The following FAM193A variants were observed in gnomAD, a reference collection of about 807,000 sequenced individuals.
The protein encoded by FAM193A is family with sequence similarity 193 member A.
FAM193A carries 22 observed loss-of-function variants against 126.5 expected under a neutral mutation model. The observed-to-expected ratio is 0.17, with a 90% CI of 0.12 to 0.25. FAM193A has a LOEUF of 0.25. FAM193A is among the 10% of genes least tolerant of loss of function. The pLI is 1.00. For missense variants in FAM193A, 1,675 were observed against 1,672.8 expected (o/e 1.00, Z -0.02); for synonymous variants, 761 against 646.8 (o/e 1.18, Z -2.68).
intron 13 of FAM193A, among the ~76,000 whole-genome samples, chr4:2,684,019 C>T (rs1442989874): frequency 1.3e-5 from 2 of 152,194 alleles, no homozygotes; most frequent in African/African-American, 2.4e-5. Context: ...CATTTCTTCC[C>T]ATCTCTCTGC....
At chr4:2,631,220 C>A in intron 5 of FAM193A, 51 bp downstream of exon 5, 1 of 1,532,306 alleles carries the variant, frequency 6.5e-7, no homozygotes, top group Non-Finnish European at 8.9e-7. Flanking sequence ...TGAAGAGAAG[C>A]ATGTGGCAAG....
chr4:2,679,375 CTTTTTTT>C (rs796366785), intron 13 of FAM193A, among the ~76,000 whole-genome samples: 14 of 87,896 alleles, frequency 1.6e-4, no homozygotes, highest in East Asian at 1.1e-3. Flanking sequence ...AGTTTTCTTT[CTTTTTTT>C]TTTTTTTTTT....
chr4:2,659,405 C>G (rs1266621977), intron 8 of FAM193A, among the ~76,000 whole-genome samples, 153 bp from the exon 9 acceptor site: 1 of 152,154 alleles, frequency 6.6e-6, no homozygotes, highest in East Asian at 1.9e-4. Flanking sequence ...TTGCTGCCGA[C>G]TCCAGGTCTG....
At chr4:2,640,010 C>A in intron 6 of FAM193A, 151 bp downstream of exon 6, 1 of 687,068 alleles carries the variant, frequency 1.5e-6, no homozygotes. Flanking sequence ...GGGCCAAAAG[C>A]TCAAAACCTG....
rs563062188 is a variant in FAM193A, at chr4:2,563,530, A to G, written c.255+26360A>G. Among the ~76,000 whole-genome samples, 57 of 151,950 alleles carry G rather than the reference A, an allele frequency of 3.8e-4. No individual in the cohort carries two copies. In the South Asian group the frequency reaches 8.7e-3, roughly 23 times the overall value. On this transcript the variant is annotated intron_variant, in intron 1 of 20. Coordinates refer to ENST00000637812, the MANE Select transcript of FAM193A (RefSeq NM_001366318.2). ...GACCAATCTGGTCATCTCTACAAAA[A>G]AAAACAAAAAAAAAAACCTCCCAAA...
At chr4:2,546,951 T>A (rs1402803687) in intron 1 of FAM193A, among the ~76,000 whole-genome samples, 2 of 152,174 alleles carry the variant, frequency 1.3e-5, no homozygotes, top group Non-Finnish European at 2.9e-5. Context: ...ACTATTATTA[T>A]TAATATTTTT....
intron 19 of FAM193A, among the ~76,000 whole-genome samples, chr4:2,707,048 G>A (rs1471208142): frequency 2.6e-5 from 4 of 152,042 alleles, no homozygotes; most frequent in African/African-American, 9.7e-5. Context: ...CTTGAACCCA[G>A]GAGCCAGAGG....
chr4:2,691,172 TC>T (rs929942916), intron 15 of FAM193A, among the ~76,000 whole-genome samples: 14 of 152,266 alleles, frequency 9.2e-5, no homozygotes, highest in Admixed American at 8.5e-4. Context: ...TGTGCTAGAT[TC>T]CTCTGGGGCT....
chr4:2,678,360 G>GTTTTTTT (rs201173761), intron 13 of FAM193A, among the ~76,000 whole-genome samples: 1 of 120,162 alleles, frequency 8.3e-6, no homozygotes, highest in Non-Finnish European at 1.7e-5. Context: ...GGTTTTGGTG[G>GTTTTTTT]TTTTTTTTTT....
chr4:2,579,149 CA>C (rs1022464508), intron 1 of FAM193A, among the ~76,000 whole-genome samples: 6 of 151,872 alleles, frequency 4.0e-5, no homozygotes, highest in Non-Finnish European at 2.9e-5. Flanking sequence ...TATGAATCAC[CA>C]CTACGCCTGG....
chr4:2,579,351 T>A (rs146304018), intron 1 of FAM193A, among the ~76,000 whole-genome samples: 4,335 of 150,904 alleles, frequency 0.029, 219 homozygotes, highest in African/African-American at 0.1. Context: ...CAAAAAAAAT[T>A]AGCCAGGTGT....
At chr4:2,567,775 T>G (rs1739055485) in intron 1 of FAM193A, among the ~76,000 whole-genome samples, 1 of 151,868 alleles carries the variant, frequency 6.6e-6, no homozygotes, top group African/African-American at 2.4e-5. Context: ...TTGTGTAGAC[T>G]CAGGATATGT....
At chr4:2,624,642 G>A (rs1353519553) in intron 2 of FAM193A, among the ~76,000 whole-genome samples, 1 of 152,166 alleles carries the variant, frequency 6.6e-6, no homozygotes, top group African/African-American at 2.4e-5. Context: ...CATTGTGTGT[G>A]CTGATTAGGA....
intron 1 of FAM193A, among the ~76,000 whole-genome samples, chr4:2,556,884 G>A (rs1738291973): frequency 6.6e-6 from 1 of 152,012 alleles, no homozygotes; most frequent in Admixed American, 6.6e-5. Context: ...TGAATGAGAG[G>A]TTGTAGAATC....
chr4:2,544,957 C>G (rs984337875), intron 1 of FAM193A, among the ~76,000 whole-genome samples: 1 of 151,780 alleles, frequency 6.6e-6, no homozygotes. Context: ...CTGATCTCAT[C>G]TGTATCCTTT....
At chr4:2,637,533 C>A (rs1457736367) in intron 5 of FAM193A, among the ~76,000 whole-genome samples, 1 of 152,198 alleles carries the variant, frequency 6.6e-6, no homozygotes, top group Non-Finnish European at 1.5e-5. Context: ...TTCTAAACAT[C>A]TTCTCTTCCT....
At chr4:2,555,021 T>C (rs1376626989) in intron 1 of FAM193A, among the ~76,000 whole-genome samples, 3 of 152,256 alleles carry the variant, frequency 2.0e-5, no homozygotes, top group Admixed American at 6.5e-5. Context: ...TGCTTATTCA[T>C]ATTTTCATTT....
chr4:2,565,650 A>G (rs1297121106), intron 1 of FAM193A, among the ~76,000 whole-genome samples: 1 of 152,226 alleles, frequency 6.6e-6, no homozygotes, highest in African/African-American at 2.4e-5. Flanking sequence ...GCAGGATTGC[A>G]GAAAGAGTAA....
intron 1 of FAM193A, among the ~76,000 whole-genome samples, chr4:2,543,512 C>T (rs1459291610): frequency 6.6e-6 from 1 of 151,494 alleles, no homozygotes; most frequent in Non-Finnish European, 1.5e-5. Context: ...GCCTGGGTGA[C>T]GTGGAGAGAC....
Sources: allele counts gnomAD v4.1 joint callset (sites outside exome capture counted in the v4.1 genomes callset), GRCh38; gene constraint gnomAD v4.1.1; transcripts MANE v1.5; gene names NCBI Gene and HGNC (gene_info 2026-07-23, HGNC 2026-07-21).